TSPAN15: variants seen among roughly 807,000 people sequenced by gnomAD.
TSPAN15 encodes tetraspanin-15.
A neutral mutation model predicts 34.5 loss-of-function variants in TSPAN15; 20 were observed. The ratio of observed to expected loss-of-function variants is 0.58; its 90% confidence interval spans 0.41 to 0.84. The LOEUF (loss-of-function observed/expected upper bound fraction) is 0.84, where lower values mean the gene tolerates loss of function less well. Among genes scored for constraint, TSPAN15 ranks in the 40% least tolerant of loss-of-function variants. TSPAN15 has a pLI of 0.00. For synonymous variants in TSPAN15, 155 were observed against 153.9 expected (o/e 1.01, Z -0.05); for missense variants, 313 against 386.1 (o/e 0.81, Z 1.59).
rs1319667184 is a variant in TSPAN15 at position 69,472,084 on chromosome 10, A to G, written c.97-11607A>G. On this transcript the variant is annotated intron_variant, in intron 1 of 7. Transcript: ENST00000373290. ...TTTAAACAATGCCTGGTGTGCAAAAACCACTCAGTCAATAGATGTCATGTG... is the reference window on the plus strand; with the variant it reads ...TTTAAACAATGCCTGGTGTGCAAAAGCCACTCAGTCAATAGATGTCATGTG... Among the ~76,000 whole-genome samples, 4 of 152,152 alleles carry G rather than the reference A, an allele frequency of 2.6e-5. 1 individual carries two copies. Among genetic ancestry groups the G allele is most frequent in the Non-Finnish European group, 5.9e-5 (4 of 68,034 alleles).
chr10:69,456,361 A>G (rs958250968), intron 1 of TSPAN15, among the ~76,000 whole-genome samples: 1 of 152,246 alleles, frequency 6.6e-6, no homozygotes, highest in Non-Finnish European at 1.5e-5. Flanking sequence ...TGCTGGGATT[A>G]CAGGCGTGAG....
At chr10:69,498,202 C>A in intron 4 of TSPAN15, 78 bp from the exon 5 acceptor site, 1 of 1,336,232 alleles carries the variant, frequency 7.5e-7, no homozygotes, top group Non-Finnish European at 1.1e-6. Context: ...CCTCCGTCTC[C>A]TGACAGGGCC....
chr10:69,467,637 A>AAC (rs36028041), intron 1 of TSPAN15, among the ~76,000 whole-genome samples: 5,998 of 78,104 alleles, frequency 0.077, 136 homozygotes, highest in South Asian at 0.083. Flanking sequence ...AAAACAAAAC[A>AAC]ACACACACAC....
At chr10:69,508,157 C>A (rs1310566309), downstream of TSPAN15, among the ~76,000 whole-genome samples, 1 of 152,050 alleles carries the variant, frequency 6.6e-6, no homozygotes, top group Admixed American at 6.5e-5. Context: ...AATAAAGTAG[C>A]AAGAGGCCGG....
At chr10:69,467,673 C>CACACACACACACACAA (rs535692277) in intron 1 of TSPAN15, among the ~76,000 whole-genome samples, 37 of 76,404 alleles carry the variant, frequency 4.8e-4, no homozygotes, top group African/African-American at 1.1e-3. Context: ...CACACACACA[C>CACACACACACACACAA]ACCTCTTCTT....
At chr10:69,463,459 G>C (rs1357157375) in intron 1 of TSPAN15, among the ~76,000 whole-genome samples, 2 of 152,218 alleles carry the variant, frequency 1.3e-5, no homozygotes, top group Non-Finnish European at 2.9e-5. Context: ...ATGAGGCCTT[G>C]ATTTCTCACT....
the TSPAN15 span, among the ~76,000 whole-genome samples, chr10:69,547,162 A>G: frequency 6.6e-6 from 1 of 152,008 alleles, no homozygotes; most frequent in Non-Finnish European, 1.5e-5. Context: ...AGATGGCGCC[A>G]CTGCACTCCA....
At chr10:69,462,155 GTTTTTTTTTTTTT>G (rs755068937) in intron 1 of TSPAN15, among the ~76,000 whole-genome samples, 5 of 82,704 alleles carry the variant, frequency 6.0e-5, no homozygotes, top group Non-Finnish European at 1.2e-4. Flanking sequence ...TAATTTTAAA[GTTTTTTTTTTTTT>G]TTTTTTTTTT....
At chr10:69,477,132 A>G (rs976074064) in intron 1 of TSPAN15, among the ~76,000 whole-genome samples, 1 of 152,002 alleles carries the variant, frequency 6.6e-6, no homozygotes, top group Non-Finnish European at 1.5e-5. Flanking sequence ...GGGTTGAAGC[A>G]TGTGCCTTTT....
the TSPAN15 span, among the ~76,000 whole-genome samples, chr10:69,535,917 G>A: frequency 6.6e-6 from 1 of 152,240 alleles, no homozygotes; most frequent in African/African-American, 2.4e-5. Flanking sequence ...CACTGTCCCA[G>A]GGGTTGTGGG....
At chr10:69,539,565 G>T in the TSPAN15 span, among the ~76,000 whole-genome samples, 1 of 149,530 alleles carries the variant, frequency 6.7e-6, no homozygotes, top group Non-Finnish European at 1.5e-5. Flanking sequence ...AGGAGAAGGA[G>T]AAGAAGACTC....
At chr10:69,539,047 A>G in the TSPAN15 span, among the ~76,000 whole-genome samples, 2 of 152,188 alleles carry the variant, frequency 1.3e-5, no homozygotes, top group African/African-American at 4.8e-5. Flanking sequence ...AATTTGGCTC[A>G]TAGAGGTCCT....
intron 2 of TSPAN15, 31 bp from the exon 3 acceptor site, chr10:69,485,110 T>G: frequency 6.2e-7 from 1 of 1,608,244 alleles, no homozygotes. Context: ...ACTGCTCCTC[T>G]CCAGGTGAGT....
intron 1 of TSPAN15, among the ~76,000 whole-genome samples, chr10:69,471,290 C>A (rs1466732933): frequency 6.6e-6 from 1 of 152,088 alleles, no homozygotes; most frequent in African/African-American, 2.4e-5. Flanking sequence ...GAACCACTTT[C>A]ATAGTAATAG....
the TSPAN15 span, among the ~76,000 whole-genome samples, chr10:69,513,255 TA>T: frequency 6.6e-6 from 1 of 152,244 alleles, no homozygotes; most frequent in East Asian, 1.9e-4. Flanking sequence ...AATATTTTCT[TA>T]AAAAATTAGA....
downstream of TSPAN15, among the ~76,000 whole-genome samples, chr10:69,510,626 G>C (rs139297372): frequency 0.018 from 2,811 of 152,340 alleles, 32 homozygotes; most frequent in Non-Finnish European, 0.021. Flanking sequence ...AATAGGAGTG[G>C]TGAGAGAGGG....
At chr10:69,482,088 C>G (rs1287770658) in intron 1 of TSPAN15, among the ~76,000 whole-genome samples, 2 of 151,158 alleles carry the variant, frequency 1.3e-5, no homozygotes, top group Non-Finnish European at 2.9e-5. Flanking sequence ...AAAAACCAAC[C>G]AGAAATAGTG....
the TSPAN15 span, among the ~76,000 whole-genome samples, chr10:69,534,910 A>G: frequency 7.9e-5 from 12 of 151,506 alleles, no homozygotes; most frequent in African/African-American, 2.9e-4. Flanking sequence ...GCTTGGGCCC[A>G]GGAGGTCGAG....
chr10:69,531,935 CAAAACA>C, the TSPAN15 span, among the ~76,000 whole-genome samples: 1 of 113,662 alleles, frequency 8.8e-6, no homozygotes, highest in African/African-American at 3.2e-5. Flanking sequence ...ACAAACAAAA[CAAAACA>C]AAAAAAAAAC....
Sources: gnomAD v4.1 joint callset for allele counts (sites outside exome capture counted in the v4.1 genomes callset) on GRCh38, gnomAD v4.1.1 for gene constraint, MANE v1.5 for transcripts, NCBI Gene and HGNC (gene_info 2026-07-23, HGNC 2026-07-21) for gene names.